Variants in MGAM observed in about 807,000 individuals in gnomAD.
MGAM encodes the protein alpha-1,4-glucosidase.
A neutral mutation model predicts 358.8 loss-of-function variants in MGAM; 253 were observed. The observed-to-expected ratio is 0.71, with a 90% confidence interval of 0.64 to 0.78. MGAM has a LOEUF of 0.78. MGAM is among the 30% of genes least tolerant of loss of function. MGAM has a pLI of 0.00. For synonymous variants in MGAM, 1,105 were observed against 1,227.1 expected, an observed-to-expected ratio of 0.90 and a Z score of 2.08; for missense variants, 3,080 against 3,432.6, an observed-to-expected ratio of 0.90 and a Z score of 2.57.
At chr7:142,057,497 G>C (rs983554649) in intron 30 of MGAM, among the ~76,000 whole-genome samples, 6 of 144,522 alleles carry the variant, frequency 4.2e-5, no homozygotes, top group African/African-American at 1.5e-4. Context: ...TGGTGATAGT[G>C]GTTGTGGTGA....
chr7:142,027,480 T>G (rs1383872784), intron 9 of MGAM, 130 bp from the exon 10 acceptor site: 5 of 1,082,968 alleles, frequency 4.6e-6, no homozygotes, highest in Non-Finnish European at 6.5e-6. Context: ...AAAAATAGAC[T>G]AACATTCTAA....
intron 69 of MGAM, 108 bp from the exon 70 acceptor site, chr7:142,103,161 G>A: frequency 1.1e-6 from 1 of 894,338 alleles, no homozygotes; most frequent in Non-Finnish European, 1.7e-6. Flanking sequence ...ACAAGATGGT[G>A]ACTCTGAAGT....
chr7:142,097,784 C>T, intron 66 of MGAM, 135 bp downstream of exon 66: 3 of 876,324 alleles, frequency 3.4e-6, no homozygotes, highest in South Asian at 1.6e-5. Context: ...CACTTTAACC[C>T]TTGTAACCTC....
In MGAM at chr7:142,046,057, G is replaced by GTAATATATATTATATTACATATAATATA. The variant is rs1439188978; in HGVS notation, c.2499-1721_2499-1720insTATTATATTACATATAATATATAATATA. Among the ~76,000 whole-genome samples the GTAATATATATTATATTACATATAATATA allele has an allele frequency of 7.1e-4, 59 of 83,144 alleles. 9 individuals are homozygous for GTAATATATATTATATTACATATAATATA. Among genetic ancestry groups the GTAATATATATTATATTACATATAATATA allele is most frequent in the African/African-American group, 2.2e-3 (54 of 24,636 alleles). 54.5% of individuals were successfully genotyped at this position (83,144 alleles called of 152,430 possible). ...TATATATTATATATACATACAATAT[G>GTAATATATATTATATTACATATAATATA]TAATATAATATATAATATAGAAATT... On this transcript the variant is annotated intron_variant, in intron 21 of 70. Transcript: ENST00000475668.
chr7:142,035,833 A>G (rs1807942700), intron 16 of MGAM, among the ~76,000 whole-genome samples: 1 of 152,180 alleles, frequency 6.6e-6, no homozygotes, highest in Admixed American at 6.6e-5. Flanking sequence ...TGAGGTCAAA[A>G]TAATAATATC....
chr7:142,070,648 G>A (rs997445248), intron 43 of MGAM, among the ~76,000 whole-genome samples: 2 of 145,766 alleles, frequency 1.4e-5, no homozygotes, highest in Admixed American at 6.9e-5. Flanking sequence ...AATCTCAATA[G>A]TGCTGAGACT....
Position 142,055,989 on chromosome 7 carries a change from T to G in MGAM, c.3484-11T>G. On this transcript the variant is annotated splice_polypyrimidine_tract_variant and intron_variant, in intron 28 of 70. Transcript: ENST00000475668. ...TTTAAACTCCTACTGCTTCTTCCCA[T>G]GACTCCCCAGTACAAGAAGAATTCC... The G allele has an allele frequency of 3.1e-6, 5 of 1,605,564 alleles. No individual in the cohort carries two copies. The highest frequency in any genetic ancestry group is 4.3e-6 in the Non-Finnish European group (5 of 1,175,214).
chr7:142,076,466 GT>G (rs1300258250), intron 46 of MGAM, 192 bp from the exon 47 acceptor site: 1 of 859,294 alleles, frequency 1.2e-6, no homozygotes, highest in East Asian at 2.5e-5. Flanking sequence ...TTATCTGTGT[GT>G]TTTTATGATT....
Position 142,041,969 on chromosome 7 carries a change from ATT to A in MGAM, c.2498+1124_2498+1125del, listed in dbSNP as rs1491423538. Among the ~76,000 whole-genome samples, 51 of 21,218 alleles carry A rather than the reference ATT, an allele frequency of 2.4e-3. 3 individuals carry two copies. Among genetic ancestry groups the A allele is most frequent in the African/African-American group, 7.2e-3 (40 of 5,562 alleles). 13.9% of individuals were successfully genotyped at this position (21,218 alleles called of 152,430 possible). A position where few individuals can be genotyped will look rare whatever the true frequency, so the allele number is the denominator to read the frequency against. ...ATATACATATATATAATATATATAT[ATT>A]ATATATATATAATATAATATATATA... is the stretch of plus-strand genomic sequence containing the variant. On this transcript the variant is annotated intron_variant, in intron 21 of 70. Coordinates refer to ENST00000475668, the MANE Select transcript of MGAM (RefSeq NM_001365693.1).
In MGAM at chr7:142,072,027, G is replaced by GA. The variant is rs570229864; in HGVS notation, c.5186+912dup. On this transcript the variant is annotated intron_variant, in intron 44 of 70. Coordinates refer to ENST00000475668, the MANE Select transcript of MGAM (RefSeq NM_001365693.1). ...CTAGACTTTTTTATGATACTAATGG[G>GA]AAATATCCCTAAATCCAATACCAGT... Among the ~76,000 whole-genome samples, 355 of 145,858 alleles carry GA rather than the reference G, an allele frequency of 2.4e-3. 21 individuals carry two copies. The highest frequency in any genetic ancestry group is 7.8e-3 in the African/African-American group (321 of 41,134).
rs765295195 is a variant in MGAM, at chr7:142,094,526, C to A, written c.7306+29C>A. ...CGTGGGTCCTTCCCAGGGCCTGTGC[C>A]GGTAGGGCAGGGAGTTGGGATCCTT... is the stretch of plus-strand genomic sequence containing the variant. On this transcript the variant is annotated intron_variant, in intron 61 of 70. Coordinates refer to ENST00000475668, the MANE Select transcript of MGAM (RefSeq NM_001365693.1). 8.4e-6 allele frequency: 13 copies of A among 1,554,026 alleles called. No individual in the cohort carries two copies. In the African/African-American group the frequency reaches 1.7e-4, roughly 21 times the overall value.
chr7:142,069,136 C>G (rs61557664), intron 43 of MGAM, among the ~76,000 whole-genome samples: 14,051 of 145,968 alleles, frequency 0.096, 2,086 homozygotes, highest in African/African-American at 0.23. Flanking sequence ...TAAATACCTC[C>G]TTCCATAGCA....
chr7:142,088,996 G>GTATATATCTATCTATC (rs771119657), intron 57 of MGAM, among the ~76,000 whole-genome samples: 12 of 118,046 alleles, frequency 1.0e-4, no homozygotes, highest in African/African-American at 3.5e-4. Context: ...ATGTATGTAT[G>GTATATATCTATCTATC]TATCTATCTA....
At chr7:142,030,226 T>C in intron 10 of MGAM, 136 bp from the exon 11 acceptor site, 2 of 925,348 alleles carry the variant, frequency 2.2e-6, no homozygotes, top group Non-Finnish European at 3.1e-6. Context: ...AGTACTCAGA[T>C]GCCAGGAACT....
chr7:142,059,742 ACT>A (rs1469860407), intron 32 of MGAM, 112 bp from the exon 33 acceptor site: 1 of 1,565,648 alleles, frequency 6.4e-7, no homozygotes, highest in African/African-American at 1.4e-5. Context: ...ACTCACAGAA[ACT>A]CTACTGTGCA....
At chr7:142,097,981 A>G (rs1475429067) in intron 66 of MGAM, among the ~76,000 whole-genome samples, 1 of 152,212 alleles carries the variant, frequency 6.6e-6, no homozygotes, top group East Asian at 1.9e-4. Flanking sequence ...GTTGCAAACT[A>G]TAGTTTTTGT....
rs534607112 is a variant in MGAM, at chr7:142,067,730, G to T, written c.5004+305G>T. On this transcript the variant is annotated intron_variant, in intron 42 of 70. Transcript: ENST00000475668. ...AATAATTAATAGAAGGTCAGATGGG[G>T]GCAGTATTGTAAAAAATTTATAACA... Among the ~76,000 whole-genome samples the T allele has an allele frequency of 2.3e-3, 324 of 138,352 alleles. 13 individuals are homozygous for T. Among genetic ancestry groups the T allele is most frequent in the African/African-American group, 7.4e-3 (299 of 40,284 alleles). The allele number at this position is 138,352 out of a possible 152,430, so 90.8% of individuals were successfully genotyped here.
At chr7:142,050,096 A>G (rs528894756) in intron 22 of MGAM, 139 bp from the exon 23 acceptor site, 12 of 746,438 alleles carry the variant, frequency 1.6e-5, no homozygotes, top group African/African-American at 1.0e-4. Flanking sequence ...CACATATACA[A>G]TTGAAAATTA....
chr7:142,101,458 G>A (rs1179826955), intron 68 of MGAM, among the ~76,000 whole-genome samples: 1 of 151,102 alleles, frequency 6.6e-6, no homozygotes. Flanking sequence ...TGAAATGTGT[G>A]ACAAGTGCAT....
Sources: gnomAD v4.1 joint callset for allele counts (sites outside exome capture counted in the v4.1 genomes callset) on GRCh38, gnomAD v4.1.1 for gene constraint, MANE v1.5 for transcripts, NCBI Gene and HGNC (gene_info 2026-07-23, HGNC 2026-07-21) for gene names.